The following TMEM8B variants were observed in gnomAD, a reference collection of about 807,000 sequenced individuals.
TMEM8B encodes nasopharyngeal carcinoma expressed 6.
A neutral mutation model predicts 49.3 loss-of-function variants in TMEM8B; 29 were observed. The observed-to-expected ratio is 0.59, with a 90% CI of 0.44 to 0.80. The LOEUF (loss-of-function observed/expected upper bound fraction) is 0.80. Ranked by LOEUF, TMEM8B falls within the 30% of genes least tolerant of loss-of-function variation. The probability of loss-of-function intolerance (pLI) is 0.00; values close to 1 mark genes in which losing one functional copy is unlikely to be tolerated. For synonymous variants in TMEM8B, 264 were observed against 272.8 expected, an observed-to-expected ratio of 0.97 and a Z score of 0.32; for missense variants, 575 against 658.5, an observed-to-expected ratio of 0.87 and a Z score of 1.39.
intron 10 of TMEM8B, 148 bp from the exon 11 acceptor site, chr9:35,852,679 A>G: frequency 5.7e-6 from 5 of 873,876 alleles, no homozygotes; most frequent in Non-Finnish European, 9.0e-6. Flanking sequence ...GGATTTGGGG[A>G]GTCAGGCATT....
intron 9 of TMEM8B, 66 bp downstream of exon 9, chr9:35,846,677 G>T: frequency 1.9e-6 from 3 of 1,554,678 alleles, no homozygotes; most frequent in East Asian, 2.3e-5. Flanking sequence ...CCTGTGGGCA[G>T]GCGGCGGGAG....
At position 35,853,929 on chromosome 9, in the gene TMEM8B, T is replaced by G. The variant is rs1832392669; in HGVS notation, c.*89T>G. The G allele has an allele frequency of 7.0e-7, 1 of 1,436,484 alleles. No homozygotes were observed. Among genetic ancestry groups the G allele is most frequent in the East Asian group, 2.4e-5 (1 of 40,840 alleles). The allele number at this position is 1,436,484 out of a possible 1,614,324, so 89.0% of individuals were successfully genotyped here. A position where few individuals can be genotyped will look rare whatever the true frequency, so the allele number is the denominator to read the frequency against. On this transcript the variant is annotated 3_prime_UTR_variant, in exon 13 of 13. Coordinates refer to ENST00000643932, the MANE Select transcript of TMEM8B (RefSeq NM_001042590.4). This position sits in a 1 kb window ranked among gnomAD's most constrained non-coding sequence, Gnocchi z 4.2. The stretch of plus-strand genomic sequence containing the variant: ...GGAGCCCTCTTAGAAGGAGACAGGC[T>G]GTATTTCTTGAGGACATGGAGTCTT...
Position 35,854,986 on chromosome 9 carries a change from C to T in TMEM8B, c.*1146C>T, listed in dbSNP as rs1212622026. The T allele has an allele frequency of 6.6e-6, 1 of 152,246 alleles. No individual in the cohort carries two copies. Among genetic ancestry groups the T allele is most frequent in the Non-Finnish European group, 1.5e-5 (1 of 68,060 alleles). The allele number at this position is 152,246 out of a possible 1,614,324, so 9.4% of individuals were successfully genotyped here. A position where few individuals can be genotyped will look rare whatever the true frequency, so the allele number is the denominator to read the frequency against. On this transcript the variant is annotated 3_prime_UTR_variant, in exon 13 of 13. Coordinates refer to ENST00000643932, the MANE Select transcript of TMEM8B (RefSeq NM_001042590.4). Reference sequence around the variant, plus strand: ...TTCTCACTGATCACCAGTGTCCATACTTCATCCATCCCCGGGATTTCCATC... The same window carrying T: ...TTCTCACTGATCACCAGTGTCCATATTTCATCCATCCCCGGGATTTCCATC...
chr9:35,847,053 G>A (rs1314930014), intron 10 of TMEM8B, 58 bp downstream of exon 10: 11 of 1,614,226 alleles, frequency 6.8e-6, no homozygotes, highest in Non-Finnish European at 9.3e-6. Context: ...GTGGGTCACA[G>A]TCTGTATTTC....
At chr9:35,843,890 G>A (rs2132317793) in intron 6 of TMEM8B, among the ~76,000 whole-genome samples, 1 of 152,208 alleles carries the variant, frequency 6.6e-6, no homozygotes, top group Non-Finnish European at 1.5e-5. Flanking sequence ...AGCCTCCAGA[G>A]TAGCTGGGAT....
chr9:35,830,339 C>T (rs1829745057), intron 1 of TMEM8B, among the ~76,000 whole-genome samples: 1 of 152,094 alleles, frequency 6.6e-6, no homozygotes, highest in Admixed American at 6.5e-5. Context: ...ATAGCCCAAA[C>T]CTTTGAGATA....
chr9:35,845,547 G>T, intron 6 of TMEM8B: 2 of 985,454 alleles, frequency 2.0e-6, no homozygotes, highest in Non-Finnish European at 1.2e-6. Flanking sequence ...GTTGGAGTGA[G>T]TGTCTTCATG....
chr9:35,833,100 G>C (rs1417888602), intron 1 of TMEM8B, among the ~76,000 whole-genome samples: 1 of 152,058 alleles, frequency 6.6e-6, no homozygotes, highest in Non-Finnish European at 1.5e-5. Context: ...TGACTCCTGG[G>C]GTTGCTCTGG....
At chr9:35,852,314 C>T (rs1031772427) in intron 10 of TMEM8B, among the ~76,000 whole-genome samples, 2 of 152,308 alleles carry the variant, frequency 1.3e-5, no homozygotes, top group Non-Finnish European at 1.5e-5. Flanking sequence ...ACCTGCCACA[C>T]ACTCCCCGCA....
intron 10 of TMEM8B, 103 bp downstream of exon 10, chr9:35,847,098 C>A (rs888510327): frequency 1.1e-5 from 18 of 1,614,212 alleles, no homozygotes; most frequent in Non-Finnish European, 1.5e-5. Context: ...AATGTCTGTG[C>A]CTTCACTGTG....
At position 35,859,136 on chromosome 9, in the gene TMEM8B, G is replaced by T. The variant is rs918865072; in HGVS notation, c.*5296G>T. 2.6e-5 allele frequency: 4 copies of T among 155,916 alleles called. No individual in the cohort carries two copies. The highest frequency in any genetic ancestry group is 9.6e-5 in the African/African-American group (4 of 41,518). 9.7% of individuals were successfully genotyped at this position (155,916 alleles called of 1,614,324 possible). A position where few individuals can be genotyped will look rare whatever the true frequency, so the allele number is the denominator to read the frequency against. On this transcript the variant is annotated 3_prime_UTR_variant, in exon 13 of 13. Transcript: ENST00000643932. ...CATTCCTCAGGCTGTAAATGATGGG[G>T]TTCAGCGAGGGCGTCACAACCCCGT...
In TMEM8B at chr9:35,860,371, T is replaced by C. The variant is rs1832629012; in HGVS notation, c.*6531T>C. On this transcript the variant is annotated 3_prime_UTR_variant, in exon 13 of 13. Transcript: ENST00000643932. ...TCATGTGACCAAATTATGGCCATAG[T>C]ATTTCAGATTTATTCATCCACTAAG... 1 of 152,256 alleles carries C rather than the reference T, an allele frequency of 6.6e-6. No homozygotes were observed. Among genetic ancestry groups the C allele is most frequent in the South Asian group, 2.1e-4 (1 of 4,834 alleles). 9.4% of individuals were successfully genotyped at this position (152,256 alleles called of 1,614,324 possible).
rs565250770 is a variant in TMEM8B, at chr9:35,848,133, G to A, written c.2175+1138G>A. ...TCTGGGAGAAAGCAGGGGCAAATGT[G>A]CTGAAACTGAGGGGCCTGGGTCCTC... On this transcript the variant is annotated intron_variant, in intron 10 of 12. Coordinates refer to ENST00000643932, the MANE Select transcript of TMEM8B (RefSeq NM_001042590.4). Among the ~76,000 whole-genome samples the A allele has an allele frequency of 1.1e-4, 16 of 152,050 alleles. No individual in the cohort carries two copies. In the South Asian group the frequency reaches 2.5e-3, roughly 24 times the overall value.
chr9:35,840,069 C>T (rs1030208311), intron 3 of TMEM8B, among the ~76,000 whole-genome samples: 6 of 152,184 alleles, frequency 3.9e-5, no homozygotes, highest in African/African-American at 1.4e-4. Context: ...CCCCACCTCC[C>T]CTTAACTGTG....
At chr9:35,834,031 TAC>T (rs377460934) in intron 1 of TMEM8B, among the ~76,000 whole-genome samples, 5,605 of 138,328 alleles carry the variant, frequency 0.041, 229 homozygotes, top group African/African-American at 0.1. Flanking sequence ...CATGCCAAAA[TAC>T]ACACACACAC....
At position 35,829,241 on chromosome 9, in the gene TMEM8B, G is replaced by A; in HGVS notation, c.-207G>A. On this transcript the variant is annotated 5_prime_UTR_variant, in exon 1 of 13. Coordinates refer to ENST00000643932, the MANE Select transcript of TMEM8B (RefSeq NM_001042590.4). ...GGGCGGGGCGTCACGCCGACGTCAA[G>A]TCGAGGCCGCCGCCGCGGGGCCTGG... 1 of 346,816 alleles carries A rather than the reference G, an allele frequency of 2.9e-6. No homozygotes were observed. The highest frequency in any genetic ancestry group is 5.2e-6 in the Non-Finnish European group (1 of 191,858). 21.5% of individuals were successfully genotyped at this position (346,816 alleles called of 1,614,324 possible).
chr9:35,832,646 C>T (rs1830028422), intron 1 of TMEM8B, among the ~76,000 whole-genome samples: 1 of 152,178 alleles, frequency 6.6e-6, no homozygotes, highest in Non-Finnish European at 1.5e-5. Context: ...AGGGTCTGCA[C>T]CGAGGGACTG....
At chr9:35,843,736 A>G (rs1438175977) in intron 6 of TMEM8B, among the ~76,000 whole-genome samples, 4 of 152,194 alleles carry the variant, frequency 2.6e-5, no homozygotes, top group Non-Finnish European at 5.9e-5. Context: ...TTTGGAAAAT[A>G]GGGGAAAATA....
At chr9:35,846,226 C>T (rs755905832) in intron 7 of TMEM8B, 32 bp from the exon 8 acceptor site, 37 of 1,613,142 alleles carry the variant, frequency 2.3e-5, no homozygotes, top group Non-Finnish European at 3.1e-5. Context: ...GACCCCTCCT[C>T]CCTCTCACTG....
Sources: allele counts gnomAD v4.1 joint callset (sites outside exome capture counted in the v4.1 genomes callset), GRCh38; gene constraint gnomAD v4.1.1; non-coding constraint Gnocchi (gnomAD v3.1); transcripts MANE v1.5; gene names NCBI Gene and HGNC (gene_info 2026-07-23, HGNC 2026-07-21).